Variants in CERS6 observed in about 807,000 individuals in gnomAD.
CERS6 encodes the protein LAG1 homolog, ceramide synthase 6.
A neutral mutation model predicts 56.8 loss-of-function variants in CERS6; 26 were observed. That is an observed-to-expected ratio of 0.46 (90% CI 0.34 to 0.63). The LOEUF (loss-of-function observed/expected upper bound fraction) is 0.63. Among genes scored for constraint, CERS6 ranks in the 30% least tolerant of loss-of-function variants. The pLI is 0.01. For synonymous variants in CERS6, 164 were observed against 173.3 expected (o/e 0.95, Z 0.42); for missense variants, 415 against 467.5 (o/e 0.89, Z 1.04).
rs144383836 is a variant in CERS6, at chr2:168,700,016, TTCA to T, written c.609+4966_609+4968del. On this transcript the variant is annotated intron_variant, in intron 6 of 9. Transcript: ENST00000305747. ...CTTTGGCCAATGAGTTCTGCTCATG[TTCA>T]GAGTCCTTCTCAGGGAAGCATCCCT... Among the ~76,000 whole-genome samples the T allele has an allele frequency of 2.6e-3, 397 of 152,356 alleles. 5 individuals carry two copies. Among genetic ancestry groups the T allele is most frequent in the Non-Finnish European group, 2.5e-3 (172 of 68,032 alleles).
Position 168,561,304 on chromosome 2 carries a change from C to A in CERS6, c.389C>A (p.Thr130Lys), listed in dbSNP as rs766320076. The A allele has an allele frequency of 6.2e-7, 1 of 1,614,040 alleles. No homozygotes were observed. Among genetic ancestry groups the A allele is most frequent in the South Asian group, 1.1e-5 (1 of 91,084 alleles). ...RRNQEKPSTL[T>K]RFCESMWRFS... ...AATCAGGAGAAGCCAAGCACGCTGA[C>A]GAGGTTCTGTGAGAGCATGTAAGTT... Residue 130 changes from threonine (T) to lysine (K), a missense_variant, in exon 3 of 10, where the codon ACG (threonine) becomes AAG (lysine). Transcript: ENST00000305747.
chr2:168,625,288 CTA>C (rs1458988187), intron 3 of CERS6, among the ~76,000 whole-genome samples: 2 of 152,120 alleles, frequency 1.3e-5, no homozygotes, highest in Non-Finnish European at 2.9e-5. Context: ...CCAGAGTTGA[CTA>C]TTTTTTATTC....
chr2:168,615,292 T>C (rs1048412723), intron 3 of CERS6, among the ~76,000 whole-genome samples: 6 of 152,062 alleles, frequency 3.9e-5, no homozygotes, highest in Admixed American at 1.3e-4. Flanking sequence ...ATTCTGGAAA[T>C]ATGACAAAAC....
chr2:168,529,889 C>T lies in CERS6; in HGVS notation c.171-17707C>T, dbSNP rs78436266. On this transcript the variant is annotated intron_variant, in intron 1 of 9. Transcript: ENST00000305747. Reference sequence around the variant, plus strand: ...AGGAAGGCTTGGAATCCCACCCCCACCCCCAAGACCTGACATTTAGCTTCA... The same window carrying T: ...AGGAAGGCTTGGAATCCCACCCCCATCCCCAAGACCTGACATTTAGCTTCA... 9.2e-3 allele frequency among the ~76,000 whole-genome samples: 1,391 copies of T among 151,984 alleles called. 12 individuals carry two copies. Among genetic ancestry groups the T allele is most frequent in the African/African-American group, 0.02 (834 of 41,424 alleles).
At chr2:168,480,832 C>T (rs1284080866) in intron 1 of CERS6, among the ~76,000 whole-genome samples, 2 of 152,084 alleles carry the variant, frequency 1.3e-5, no homozygotes, top group Non-Finnish European at 2.9e-5. Flanking sequence ...ATATCTAAGT[C>T]AGAATAAGAG....
chr2:168,464,655 A>T (rs1693838576), intron 1 of CERS6, among the ~76,000 whole-genome samples: 1 of 145,330 alleles, frequency 6.9e-6, no homozygotes, highest in Non-Finnish European at 1.5e-5. Flanking sequence ...AGGCATCAAG[A>T]TTGAATGGGT....
chr2:168,674,615 G>C (rs1160248571), intron 4 of CERS6, among the ~76,000 whole-genome samples: 1 of 152,206 alleles, frequency 6.6e-6, no homozygotes, highest in Non-Finnish European at 1.5e-5. Flanking sequence ...TATGTACCTT[G>C]AATTGGTCAG....
At chr2:168,534,699 C>T (rs1363084208) in intron 1 of CERS6, among the ~76,000 whole-genome samples, 1 of 152,134 alleles carries the variant, frequency 6.6e-6, no homozygotes, top group Non-Finnish European at 1.5e-5. Context: ...ACGGTCTCAC[C>T]CTGTTGGGTG....
intron 8 of CERS6, among the ~76,000 whole-genome samples, chr2:168,757,889 T>C (rs1468138937): frequency 6.6e-6 from 1 of 152,172 alleles, no homozygotes; most frequent in Non-Finnish European, 1.5e-5. Context: ...GGTGCAGTCT[T>C]GTTAAAAGGA....
intron 4 of CERS6, among the ~76,000 whole-genome samples, chr2:168,662,851 C>T (rs752918491): frequency 7.9e-5 from 12 of 152,264 alleles, no homozygotes; most frequent in Non-Finnish European, 1.2e-4. Flanking sequence ...TCCTGCCAAA[C>T]ATCTTGTTGG....
rs116162133 is a variant in CERS6 at position 168,691,282 on chromosome 2, G to A, written c.516+198G>A. On this transcript the variant is annotated intron_variant, in intron 5 of 9. Coordinates refer to ENST00000305747, the MANE Select transcript of CERS6 (RefSeq NM_203463.3). ...TTAGTGAAGTTCAGAATCAAGGCCC[G>A]ATTGCCCTAGCAGATGGAGTCAGCT... 2.3e-3 allele frequency among the ~76,000 whole-genome samples: 350 copies of A among 152,250 alleles called. 3 individuals are homozygous for A. Among genetic ancestry groups the A allele is most frequent in the African/African-American group, 8.2e-3 (340 of 41,550 alleles).
At position 168,747,634 on chromosome 2, in the gene CERS6, T is replaced by G. The variant is rs543229727; in HGVS notation, c.846-17958T>G. 2.0e-5 allele frequency among the ~76,000 whole-genome samples: 3 copies of G among 152,328 alleles called. No homozygotes were observed. The East Asian group carries it at 5.8e-4, about 29-fold the overall frequency. On this transcript the variant is annotated intron_variant, in intron 8 of 9. Transcript: ENST00000305747. ...AACTATGTATTTGAGTGGTTTCATTTTATTTTTTGATAACACAGTGTTTTC... is the reference window on the plus strand; with the variant it reads ...AACTATGTATTTGAGTGGTTTCATTGTATTTTTTGATAACACAGTGTTTTC...
intron 6 of CERS6, among the ~76,000 whole-genome samples, chr2:168,706,438 T>C (rs1686943312): frequency 6.6e-6 from 1 of 152,244 alleles, no homozygotes; most frequent in African/African-American, 2.4e-5. Context: ...TAAACTCTGC[T>C]TATACAATGG....
intron 5 of CERS6, among the ~76,000 whole-genome samples, chr2:168,694,726 T>C (rs528784318): frequency 2.6e-5 from 4 of 152,310 alleles, no homozygotes; most frequent in East Asian, 3.9e-4. Flanking sequence ...GAGTCCCAAA[T>C]GTTCGTGCTA....
At chr2:168,728,678 CT>C (rs990251227) in intron 8 of CERS6, among the ~76,000 whole-genome samples, 8 of 151,854 alleles carry the variant, frequency 5.3e-5, no homozygotes, top group African/African-American at 1.9e-4. Context: ...ATTAAGTAGG[CT>C]TTTTCCTTTT....
At chr2:168,505,176 G>C (rs1694653456) in intron 1 of CERS6, among the ~76,000 whole-genome samples, 1 of 151,860 alleles carries the variant, frequency 6.6e-6, no homozygotes, top group Admixed American at 6.6e-5. Context: ...AGGATTTAGA[G>C]AGAGAAGCCT....
chr2:168,521,782 C>T (rs10202908), intron 1 of CERS6, among the ~76,000 whole-genome samples: 98,501 of 152,090 alleles, frequency 0.65, 32,473 homozygotes, highest in South Asian at 0.81. Flanking sequence ...AAGAGAGAGC[C>T]TTCATTTCTG....
intron 1 of CERS6, among the ~76,000 whole-genome samples, chr2:168,513,348 C>A (rs1332401592): frequency 6.6e-6 from 1 of 151,924 alleles, no homozygotes; most frequent in Non-Finnish European, 1.5e-5. Context: ...TAGTTTTTAC[C>A]AGATGTCTTT....
intron 3 of CERS6, among the ~76,000 whole-genome samples, chr2:168,597,469 C>T (rs1683829145): frequency 6.6e-6 from 1 of 152,138 alleles, no homozygotes; most frequent in Admixed American, 6.5e-5. Context: ...TAGCTCAGAA[C>T]TCTGAAGACA....
Sources: gnomAD v4.1 joint callset for allele counts (sites outside exome capture counted in the v4.1 genomes callset) on GRCh38, gnomAD v4.1.1 for gene constraint, MANE v1.5 for transcripts, NCBI Gene and HGNC (gene_info 2026-07-23, HGNC 2026-07-21) for gene names.